PCYT1A: variants seen among roughly 807,000 people sequenced by gnomAD.
PCYT1A encodes choline-phosphate cytidylyltransferase A.
PCYT1A carries 25 observed loss-of-function variants against 43.7 expected under a neutral mutation model. The ratio of observed to expected loss-of-function variants is 0.57; its 90% CI spans 0.42 to 0.80. PCYT1A has a LOEUF of 0.80. Among genes scored for constraint, PCYT1A ranks in the 30% least tolerant of loss-of-function variants. The probability of loss-of-function intolerance (pLI) is 0.00; values close to 1 mark genes in which losing one functional copy is unlikely to be tolerated. For missense variants in PCYT1A, 421 were observed against 474.2 expected (o/e 0.89, Z 1.04); for synonymous variants, 172 against 170.7 (o/e 1.01, Z -0.06).
rs1724131062 is a variant in PCYT1A, at chr3:196,235,358, A to G, written c.*3330T>C. On this transcript the variant is annotated 3_prime_UTR_variant, in exon 9 of 9. Coordinates refer to ENST00000431016, the MANE Select transcript of PCYT1A (RefSeq NM_001312673.2). The surrounding 1 kb of genome is among the most constrained non-coding windows in gnomAD (Gnocchi z 4.3). ...CTCAGGTGCAGCCTAAGGAGTCATC[A>G]GTGATCAGAAAGTGGCTAAGTTTCC... The G allele has an allele frequency of 6.6e-6, 1 of 152,248 alleles. No individual in the cohort carries two copies. The highest frequency in any genetic ancestry group is 1.5e-5 in the Non-Finnish European group (1 of 68,054). 9.4% of individuals were successfully genotyped at this position (152,248 alleles called of 1,614,324 possible).
Position 196,273,802 on chromosome 3 carries a change from T to G in PCYT1A, c.-10-3261A>C, listed in dbSNP as rs1725508944. On this transcript the variant is annotated intron_variant, in intron 1 of 8. Coordinates refer to ENST00000431016, the MANE Select transcript of PCYT1A (RefSeq NM_001312673.2). This position sits in a 1 kb window ranked among gnomAD's most constrained non-coding sequence, Gnocchi z 4.1. The stretch of plus-strand genomic sequence containing the variant: ...AAAGCATCGTAAGTTCTCATTCCAG[T>G]CCACAGAACTGGCAGCCTGGGCCCC... Among the ~76,000 whole-genome samples the G allele has an allele frequency of 6.6e-6, 1 of 152,150 alleles. No individual in the cohort carries two copies. Among genetic ancestry groups the G allele is most frequent in the African/African-American group, 2.4e-5 (1 of 41,440 alleles).
In PCYT1A at chr3:196,268,179, G is replaced by C. The variant is rs188588611; in HGVS notation, c.117+2236C>G. 4.6e-5 allele frequency among the ~76,000 whole-genome samples: 7 copies of C among 151,920 alleles called. No individual in the cohort carries two copies. Among genetic ancestry groups the C allele is most frequent in the African/African-American group, 7.2e-5 (3 of 41,468 alleles). ...AGACCAAGAAATTTAAGTTTTCTCA[G>C]AGCTCATTCCACTGAAAAGACTGGC... On this transcript the variant is annotated intron_variant, in intron 2 of 8. Transcript: ENST00000431016. The surrounding 1 kb of genome is among the most constrained non-coding windows in gnomAD (Gnocchi z 4.4).
At chr3:196,244,450 C>T (rs1273888276) in intron 5 of PCYT1A, among the ~76,000 whole-genome samples, 4 of 150,534 alleles carry the variant, frequency 2.7e-5, no homozygotes, top group Non-Finnish European at 4.4e-5. Flanking sequence ...CTCCTCTGCC[C>T]GGCCGCGACC....
chr3:196,274,772 T>G (rs768149199), intron 1 of PCYT1A, among the ~76,000 whole-genome samples: 1 of 152,204 alleles, frequency 6.6e-6, no homozygotes, highest in African/African-American at 2.4e-5. Context: ...GAAACTGGCC[T>G]AATTCTTAGA....
Position 196,252,577 on chromosome 3 carries a change from A to C in PCYT1A, c.218-4254T>G, listed in dbSNP as rs1339278715. Among the ~76,000 whole-genome samples the C allele has an allele frequency of 1.3e-5, 2 of 152,246 alleles. No homozygotes were observed. Among genetic ancestry groups the C allele is most frequent in the African/African-American group, 4.8e-5 (2 of 41,470 alleles). ...TATTGATTTTATAATACAGGAAATAAAAATTTTAAATTAAATATACCAATC... is the reference window on the plus strand; with the variant it reads ...TATTGATTTTATAATACAGGAAATACAAATTTTAAATTAAATATACCAATC... On this transcript the variant is annotated intron_variant, in intron 3 of 8. Coordinates refer to ENST00000431016, the MANE Select transcript of PCYT1A (RefSeq NM_001312673.2). This position sits in a 1 kb window ranked among gnomAD's most constrained non-coding sequence, Gnocchi z 4.0.
intron 2 of PCYT1A, among the ~76,000 whole-genome samples, chr3:196,266,088 T>C (rs902392135): frequency 4.0e-5 from 6 of 151,782 alleles, no homozygotes; most frequent in African/African-American, 1.5e-4. Flanking sequence ...CTCTAGGCTA[T>C]AGAATTCTAC....
Position 196,257,784 on chromosome 3 carries a change from T to C in PCYT1A, c.217+4A>G. The C allele has an allele frequency of 6.5e-7, 1 of 1,539,446 alleles. No homozygotes were observed. On this transcript the variant is annotated splice_donor_region_variant and intron_variant, in intron 3 of 8. Transcript: ENST00000431016. ...AACAACAAATTAAGAAGGTATTTAC[T>C]TACAAGGAGTTCCTCTGCTGGCTTC...
In PCYT1A at chr3:196,273,686, T is replaced by C. The variant is rs936077564; in HGVS notation, c.-10-3145A>G. ...TCCTATCCGCAGGCAGGTCATCCCATCAAGTATGGCTGAGTCCAGGGTTTC... is the reference window on the plus strand; with the variant it reads ...TCCTATCCGCAGGCAGGTCATCCCACCAAGTATGGCTGAGTCCAGGGTTTC... On this transcript the variant is annotated intron_variant, in intron 1 of 8. Coordinates refer to ENST00000431016, the MANE Select transcript of PCYT1A (RefSeq NM_001312673.2). The surrounding 1 kb of genome is among the most constrained non-coding windows in gnomAD (Gnocchi z 4.1). Among the ~76,000 whole-genome samples the C allele has an allele frequency of 2.6e-5, 4 of 152,098 alleles. No homozygotes were observed. Among genetic ancestry groups the C allele is most frequent in the South Asian group, 4.1e-4 (2 of 4,834 alleles).
At position 196,237,880 on chromosome 3, in the gene PCYT1A, C is replaced by G. The variant is rs1445406051; in HGVS notation, c.*808G>C. On this transcript the variant is annotated 3_prime_UTR_variant, in exon 9 of 9. Transcript: ENST00000431016. The stretch of plus-strand genomic sequence containing the variant: ...TCATCATTGTAACTCTAAAAGTGTT[C>G]CTTCCTTCGAAGGTAGATGGCACGA... The G allele has an allele frequency of 6.6e-6, 1 of 152,190 alleles. No individual in the cohort carries two copies. The highest frequency in any genetic ancestry group is 1.9e-4 in the East Asian group (1 of 5,194). The allele number at this position is 152,190 out of a possible 1,614,324, so 9.4% of individuals were successfully genotyped here.
At chr3:196,271,421 ATTGTTT>A (rs978487550) in intron 1 of PCYT1A, among the ~76,000 whole-genome samples, 3 of 151,988 alleles carry the variant, frequency 2.0e-5, no homozygotes, top group African/African-American at 7.2e-5. Context: ...TTACTTTTTT[ATTGTTT>A]TTATTTTTTT....
At position 196,242,960 on chromosome 3, in the gene PCYT1A, T is replaced by C. The variant is rs1724405143; in HGVS notation, c.487-320A>G. 3.1e-6 allele frequency: 1 copy of C among 320,394 alleles called. No homozygotes were observed. Among genetic ancestry groups the C allele is most frequent in the South Asian group, 3.6e-5 (1 of 27,816 alleles). 19.8% of individuals were successfully genotyped at this position (320,394 alleles called of 1,614,324 possible). ...GAGGGTTTGCTGGTGAACCGGTTAG[T>C]GGGTGGAGCCTAGGAAAGAAGGAAA... is the stretch of plus-strand genomic sequence containing the variant. On this transcript the variant is annotated intron_variant, in intron 5 of 8. Coordinates refer to ENST00000431016, the MANE Select transcript of PCYT1A (RefSeq NM_001312673.2). The surrounding 1 kb of genome is among the most constrained non-coding windows in gnomAD (Gnocchi z 4.2).
chr3:196,241,600 A>G, intron 7 of PCYT1A: 1 of 1,313,462 alleles, frequency 7.6e-7, no homozygotes, highest in South Asian at 1.2e-5. Context: ...CCACACGAGG[A>G]GGGCTCATAG....
intron 7 of PCYT1A, chr3:196,241,421 C>G: frequency 1.1e-6 from 1 of 882,198 alleles, no homozygotes; most frequent in South Asian, 1.5e-5. Context: ...CTCCTGGCCT[C>G]AAGCAGTCCT....
chr3:196,263,709 T>C (rs1215456573), intron 2 of PCYT1A, among the ~76,000 whole-genome samples: 1 of 152,170 alleles, frequency 6.6e-6, no homozygotes, highest in Non-Finnish European at 1.5e-5. Flanking sequence ...CTCGGCTCAC[T>C]GCAAGCTCCA....
intron 3 of PCYT1A, among the ~76,000 whole-genome samples, chr3:196,250,970 TTGAGGACCAGATACCCTATGCTGAGGC>T (rs1560166699): frequency 1.5e-4 from 15 of 102,434 alleles, no homozygotes; most frequent in East Asian, 9.9e-4. Context: ...TATGCTGAGG[TTGAGGACCAGATACCCTATGCTGAGGC>T]TGAGGACCAG....
At chr3:196,249,564 G>A (rs1473921042) in intron 3 of PCYT1A, among the ~76,000 whole-genome samples, 1 of 152,018 alleles carries the variant, frequency 6.6e-6, no homozygotes, top group Admixed American at 6.6e-5. Flanking sequence ...ATTTCCCGGG[G>A]AACAAGACTA....
intron 2 of PCYT1A, among the ~76,000 whole-genome samples, chr3:196,259,844 CA>C (rs112667455): frequency 0.46 from 45,520 of 99,626 alleles, 8,397 homozygotes; most frequent in East Asian, 0.82. Context: ...GACCCTGTCT[CA>C]AAAAAAAAAA....
At position 196,277,469 on chromosome 3, in the gene PCYT1A, T is replaced by C. The variant is rs371752506; in HGVS notation, c.-10-6928A>G. On this transcript the variant is annotated intron_variant, in intron 1 of 8. Transcript: ENST00000431016. The surrounding 1 kb of genome is among the most constrained non-coding windows in gnomAD (Gnocchi z 4.1). ...TTTATCTCATCCACTTCTCAGGAGA[T>C]GGAAAACATCTGGGTCACAGATATT... is the stretch of plus-strand genomic sequence containing the variant. Among the ~76,000 whole-genome samples the C allele has an allele frequency of 6.6e-6, 1 of 152,208 alleles. No individual in the cohort carries two copies. Among genetic ancestry groups the C allele is most frequent in the African/African-American group, 2.4e-5 (1 of 41,448 alleles).
At chr3:196,256,005 A>G (rs1009870979) in intron 3 of PCYT1A, among the ~76,000 whole-genome samples, 1 of 152,204 alleles carries the variant, frequency 6.6e-6, no homozygotes, top group African/African-American at 2.4e-5. Context: ...TGCCTCCAGG[A>G]GCCTACCTAT....
Sources: allele counts gnomAD v4.1 joint callset (sites outside exome capture counted in the v4.1 genomes callset), GRCh38; gene constraint gnomAD v4.1.1; non-coding constraint Gnocchi (gnomAD v3.1); transcripts MANE v1.5; gene names NCBI Gene and HGNC (gene_info 2026-07-23, HGNC 2026-07-21).